The following FBLIM1 variants were observed in gnomAD, a reference collection of about 807,000 sequenced individuals.
FBLIM1 encodes filamin binding LIM protein 1, also known as filamin-binding LIM protein 1.
FBLIM1 carries 29 observed loss-of-function variants against 37.4 expected under a neutral mutation model. The observed-to-expected ratio is 0.77, with a 90% CI of 0.58 to 1.06. The LOEUF (loss-of-function observed/expected upper bound fraction) is 1.06, where lower values mean the gene tolerates loss of function less well. Among genes scored for constraint, FBLIM1 ranks in the 50% least tolerant of loss-of-function variants. FBLIM1 has a pLI of 0.00. For synonymous variants in FBLIM1, 193 were observed against 199.0 expected (o/e 0.97, Z 0.25); for missense variants, 449 against 505.6 (o/e 0.89, Z 1.07).
chr1:15,770,647 C>A, intron 6 of FBLIM1, 69 bp downstream of exon 6: 2 of 1,539,722 alleles, frequency 1.3e-6, no homozygotes, highest in Admixed American at 1.8e-5. Flanking sequence ...TGCACCATTT[C>A]ATTCCCCACA....
chr1:15,771,124 G>A (rs1448111063), intron 6 of FBLIM1, among the ~76,000 whole-genome samples: 1 of 152,040 alleles, frequency 6.6e-6, no homozygotes, highest in African/African-American at 2.4e-5. Flanking sequence ...ATTTTTGGTA[G>A]AGATGGGGTT....
intron 5 of FBLIM1, among the ~76,000 whole-genome samples, chr1:15,769,875 C>T (rs868025031): frequency 4.0e-5 from 6 of 151,770 alleles, no homozygotes; most frequent in South Asian, 2.1e-4. Flanking sequence ...CCTTGTGATC[C>T]GCCCACCTCG....
chr1:15,773,912 G>A (rs1408669461), intron 6 of FBLIM1, among the ~76,000 whole-genome samples: 1 of 152,094 alleles, frequency 6.6e-6, no homozygotes, highest in Admixed American at 6.6e-5. Context: ...GGAAGCTAAC[G>A]TGGGTTGATC....
chr1:15,774,611 G>C lies in FBLIM1; in HGVS notation c.712-7G>C. ...GTGGATGGTTCTGGCAGTGGCCTCT[G>C]TCCTAGGACACACTGGAGAGGTGCG... On this transcript the variant is annotated splice_region_variant and splice_polypyrimidine_tract_variant and intron_variant, in intron 6 of 8. Coordinates refer to ENST00000375766, the MANE Select transcript of FBLIM1 (RefSeq NM_017556.4). 1 of 1,610,810 alleles carries C rather than the reference G, an allele frequency of 6.2e-7. No individual in the cohort carries two copies. Among genetic ancestry groups the C allele is most frequent in the Non-Finnish European group, 8.5e-7 (1 of 1,178,380 alleles).
In FBLIM1 at chr1:15,764,426, A is replaced by T. The variant is rs116270171; in HGVS notation, c.-210-70A>T. 9.4e-3 allele frequency: 1,460 copies of T among 155,584 alleles called. 27 individuals carry two copies. The highest frequency in any genetic ancestry group is 0.033 in the African/African-American group (1,383 of 41,572). The allele number at this position is 155,584 out of a possible 1,614,324, so 9.6% of individuals were successfully genotyped here. A position where few individuals can be genotyped will look rare whatever the true frequency, so the allele number is the denominator to read the frequency against. On this transcript the variant is annotated intron_variant, in intron 1 of 8. Coordinates refer to ENST00000375766, the MANE Select transcript of FBLIM1 (RefSeq NM_017556.4). ...GGGCAGCTCTCACTGTGCCCTGCCC[A>T]CTCTGCCGCCGGAGCCTAGCCCTGA...
chr1:15,776,591 A>G (rs1211153424), intron 7 of FBLIM1, among the ~76,000 whole-genome samples: 2 of 151,406 alleles, frequency 1.3e-5, no homozygotes, highest in Admixed American at 1.3e-4. Context: ...CTGGCTGGGC[A>G]CAGTGGCTCA....
At position 15,784,764 on chromosome 1, in the gene FBLIM1, TCCA is replaced by T; in HGVS notation, c.*104_*106del. 9.7e-7 allele frequency: 1 copy of T among 1,025,752 alleles called. No homozygotes were observed. 63.5% of individuals were successfully genotyped at this position (1,025,752 alleles called of 1,614,324 possible). A position where few individuals can be genotyped will look rare whatever the true frequency, so the allele number is the denominator to read the frequency against. ...CTCTTGCACACTTTCCTTCTGAGCC[TCCA>T]TGGAGACCAGCCTGCAAGCCGGCCC... is the stretch of plus-strand genomic sequence containing the variant. On this transcript the variant is annotated 3_prime_UTR_variant, in exon 9 of 9. Transcript: ENST00000375766.
intron 4 of FBLIM1, among the ~76,000 whole-genome samples, chr1:15,767,978 G>A (rs2069007394): frequency 6.6e-6 from 1 of 152,116 alleles, no homozygotes; most frequent in African/African-American, 2.4e-5. Context: ...CCACCTCCCA[G>A]GTTCAAGCGA....
At chr1:15,777,464 C>T (rs1395762577) in intron 8 of FBLIM1, among the ~76,000 whole-genome samples, 177 bp downstream of exon 8, 2 of 151,826 alleles carry the variant, frequency 1.3e-5, no homozygotes, top group African/African-American at 2.4e-5. Context: ...CAACTCTTTG[C>T]GTTAATAAGA....
At position 15,773,935 on chromosome 1, in the gene FBLIM1, G is replaced by A. The variant is rs1433442031; in HGVS notation, c.712-683G>A. Among the ~76,000 whole-genome samples the A allele has an allele frequency of 2.0e-5, 3 of 151,988 alleles. No individual in the cohort carries two copies. In the East Asian group the frequency reaches 5.8e-4, roughly 29 times the overall value. Reference sequence around the variant, plus strand: ...ACGTGGGTTGATCACTTGAGGTCAGGAGTTCGAAACCAGCCTGGCCAACAT... The same window carrying A: ...ACGTGGGTTGATCACTTGAGGTCAGAAGTTCGAAACCAGCCTGGCCAACAT... On this transcript the variant is annotated intron_variant, in intron 6 of 8. Transcript: ENST00000375766.
chr1:15,765,338 A>G lies in FBLIM1; in HGVS notation c.250+105A>G. On this transcript the variant is annotated intron_variant, in intron 3 of 8. Transcript: ENST00000375766. The surrounding 1 kb of genome is among the most constrained non-coding windows in gnomAD (Gnocchi z 5.9). ...TTCATTCATTATTCATCCTGACAAA[A>G]TTCACACATCAACGGGAAACAAAAA... 1 of 1,442,480 alleles carries G rather than the reference A, an allele frequency of 6.9e-7. No individual in the cohort carries two copies. The highest frequency in any genetic ancestry group is 9.3e-7 in the Non-Finnish European group (1 of 1,079,106). The allele number at this position is 1,442,480 out of a possible 1,614,324, so 89.4% of individuals were successfully genotyped here. A position where few individuals can be genotyped will look rare whatever the true frequency, so the allele number is the denominator to read the frequency against.
rs1224914829 is a variant in FBLIM1, at chr1:15,767,461, A to G, written c.336A>G (p.Pro112=). ...DLLPPPPPPP[P]VLLPSEEEAP... ...TCCCACCCCCTCCACCGCCCCCTCC[A>G]GTGCTTCTGCCTTCTGAAGAGGAGG... Residue 112 remains proline (P), a synonymous_variant, in exon 4 of 9, where the codon CCA becomes CCG. Coordinates refer to ENST00000375766, the MANE Select transcript of FBLIM1 (RefSeq NM_017556.4). 2 of 841,256 alleles carry G rather than the reference A, an allele frequency of 2.4e-6. No homozygotes were observed. Among genetic ancestry groups the G allele is most frequent in the Non-Finnish European group, 1.5e-6 (1 of 678,114 alleles). 52.1% of individuals were successfully genotyped at this position (841,256 alleles called of 1,614,324 possible).
intron 2 of FBLIM1, 74 bp from the exon 3 acceptor site, chr1:15,764,890 G>A (rs1160513424): frequency 2.0e-6 from 3 of 1,495,702 alleles, no homozygotes; most frequent in African/African-American, 2.8e-5. Flanking sequence ...GGAGGAGGGA[G>A]GCTCTCTCCT....
intron 6 of FBLIM1, among the ~76,000 whole-genome samples, chr1:15,771,646 G>A (rs2069219485): frequency 6.6e-6 from 1 of 152,000 alleles, no homozygotes; most frequent in Non-Finnish European, 1.5e-5. Context: ...TCACCTCTGT[G>A]TCAAGTTACA....
intron 6 of FBLIM1, among the ~76,000 whole-genome samples, chr1:15,773,603 C>T (rs989127846): frequency 1.3e-5 from 2 of 150,742 alleles, no homozygotes; most frequent in Non-Finnish European, 2.9e-5. Context: ...TTGCTTTAAC[C>T]CGGGAAACGA....
chr1:15,784,298 A>G (rs2148668637), intron 8 of FBLIM1, among the ~76,000 whole-genome samples: 1 of 152,306 alleles, frequency 6.6e-6, no homozygotes, highest in African/African-American at 2.4e-5. Flanking sequence ...AGTTCTCCTG[A>G]CGGTGAATGT....
intron 1 of FBLIM1, among the ~76,000 whole-genome samples, chr1:15,763,072 T>TC (rs1171925640): frequency 6.8e-6 from 1 of 146,700 alleles, no homozygotes; most frequent in Non-Finnish European, 1.5e-5. Context: ...ATACTTTTTT[T>TC]CTTTTTTTTT....
intron 8 of FBLIM1, 138 bp downstream of exon 8, chr1:15,777,425 A>T (rs962698230): frequency 1.7e-6 from 1 of 580,880 alleles, no homozygotes; most frequent in African/African-American, 1.9e-5. Flanking sequence ...GAAACAAAAG[A>T]TACTGGAAAT....
chr1:15,765,124 C>T lies in FBLIM1; in HGVS notation c.141C>T (p.Ala47=), dbSNP rs746256292. The T allele has an allele frequency of 2.2e-5, 36 of 1,613,720 alleles. No individual in the cohort carries two copies. Among genetic ancestry groups the T allele is most frequent in the Non-Finnish European group, 2.9e-5 (34 of 1,179,880 alleles). The change falls in exon 3 of 9, where the codon GCC becomes GCT. Residue 47 remains alanine, a synonymous_variant. Transcript: ENST00000375766. This position sits in a 1 kb window ranked among gnomAD's most constrained non-coding sequence, Gnocchi z 5.9. ...ARRGRPWEAP[A]PMKTPEAGLA... is the part of the protein sequence containing the mutation. ...GTGGCCGCCCCTGGGAGGCTCCTGC[C>T]CCCATGAAGACACCCGAGGCTGGCT...
Sources: gnomAD v4.1 joint callset for allele counts (sites outside exome capture counted in the v4.1 genomes callset) on GRCh38, gnomAD v4.1.1 for gene constraint, Gnocchi (gnomAD v3.1) non-coding constraint, MANE v1.5 for transcripts, NCBI Gene and HGNC (gene_info 2026-07-23, HGNC 2026-07-21) for gene names.